PARD3B: variants seen among roughly 807,000 people sequenced by gnomAD.
PARD3B encodes the protein par-3 family cell polarity regulator beta, also known as partitioning defective 3 homolog B.
In PARD3B, 103 loss-of-function variants were observed where a neutral mutation model predicts 130.2. The ratio of observed to expected loss-of-function variants is 0.79; its 90% confidence interval spans 0.67 to 0.93. The LOEUF is 0.93. Ranked by LOEUF, PARD3B falls within the 40% of genes least tolerant of loss-of-function variation. The pLI, the probability that PARD3B is intolerant of heterozygous loss-of-function variation, is 0.00. For synonymous variants in PARD3B, 583 were observed against 553.2 expected (o/e 1.05, Z -0.76); for missense variants, 1,609 against 1,499.2 (o/e 1.07, Z -1.21).
chr2:204,969,873 A>G (rs969305009), intron 3 of PARD3B, among the ~76,000 whole-genome samples: 1 of 152,002 alleles, frequency 6.6e-6, no homozygotes, highest in Non-Finnish European at 1.5e-5. Context: ...AATCCTATAC[A>G]TTTCAGAAAT....
intron 2 of PARD3B, among the ~76,000 whole-genome samples, chr2:204,867,475 G>A (rs2045471540): frequency 6.6e-6 from 1 of 152,126 alleles, no homozygotes. Context: ...TGCAAAACAT[G>A]ACTGCATCAT....
chr2:204,753,219 T>A (rs2040533557), intron 2 of PARD3B, among the ~76,000 whole-genome samples: 1 of 152,192 alleles, frequency 6.6e-6, no homozygotes, highest in South Asian at 2.1e-4. Flanking sequence ...ATGAGAAATT[T>A]CCATTGAAAG....
rs2054183666 is a variant in PARD3B at position 205,586,000 on chromosome 2, C to G, written c.3261-29456C>G. On this transcript the variant is annotated intron_variant, in intron 22 of 22. Transcript: ENST00000406610. The surrounding 1 kb of genome is among the most constrained non-coding windows in gnomAD (Gnocchi z 5.4). ...CAATGTGAGGAAATTCAAAACACAA[C>G]AGCTTGACTTGGTTTTTCCAGGGCA... Among the ~76,000 whole-genome samples the G allele has an allele frequency of 6.6e-6, 1 of 152,196 alleles. No individual in the cohort carries two copies. The highest frequency in any genetic ancestry group is 1.5e-5 in the Non-Finnish European group (1 of 68,040).
chr2:204,655,866 G>A (rs139916891), intron 1 of PARD3B, among the ~76,000 whole-genome samples: 89 of 152,166 alleles, frequency 5.8e-4, no homozygotes, highest in Middle Eastern at 3.4e-3. Context: ...ATTTGTCCAC[G>A]GTTAGCCACA....
At chr2:205,161,263 A>C (rs1054006433) in intron 11 of PARD3B, among the ~76,000 whole-genome samples, 16 of 152,170 alleles carry the variant, frequency 1.1e-4, no homozygotes, top group African/African-American at 3.4e-4. Context: ...AGTTTCTAAC[A>C]GTCCTGTTTC....
chr2:205,557,171 T>C (rs529320799), intron 22 of PARD3B, among the ~76,000 whole-genome samples: 1 of 152,266 alleles, frequency 6.6e-6, no homozygotes, highest in East Asian at 1.9e-4. Flanking sequence ...CCTACATGCG[T>C]GGGCGGCAAA....
chr2:205,255,578 G>A (rs1292238218), intron 16 of PARD3B, among the ~76,000 whole-genome samples: 3 of 152,106 alleles, frequency 2.0e-5, no homozygotes, highest in Non-Finnish European at 2.9e-5. Flanking sequence ...GTTGTGACTT[G>A]GGCCTCTGAC....
At chr2:205,363,759 G>C (rs771926782) in intron 18 of PARD3B, among the ~76,000 whole-genome samples, 2 of 151,574 alleles carry the variant, frequency 1.3e-5, no homozygotes, top group Non-Finnish European at 2.9e-5. Context: ...CCGCCTCCCG[G>C]GTTCAAGCAA....
At chr2:204,668,359 C>T (rs149863672) in intron 1 of PARD3B, among the ~76,000 whole-genome samples, 66 of 152,246 alleles carry the variant, frequency 4.3e-4, no homozygotes, top group African/African-American at 1.4e-3. Context: ...AGTTAGTTTA[C>T]GTTTCATTTC....
intron 3 of PARD3B, among the ~76,000 whole-genome samples, chr2:204,972,952 C>CA (rs1156237522): frequency 2.6e-5 from 4 of 152,160 alleles, no homozygotes; most frequent in Non-Finnish European, 5.9e-5. Context: ...ATATTTTCAG[C>CA]ACTGCTGTCA....
At chr2:205,179,374 T>G (rs1439740885) in intron 13 of PARD3B, among the ~76,000 whole-genome samples, 1 of 115,316 alleles carries the variant, frequency 8.7e-6, no homozygotes, top group Non-Finnish European at 2.1e-5. Flanking sequence ...TACAGTAGTG[T>G]TTTAGGCCTT....
intron 3 of PARD3B, among the ~76,000 whole-genome samples, chr2:204,990,819 C>G (rs2125240209): frequency 6.6e-6 from 1 of 152,240 alleles, no homozygotes; most frequent in South Asian, 2.1e-4. Flanking sequence ...GACTCTTCTA[C>G]TTTATATAAA....
At chr2:205,014,248 A>G (rs2043459) in intron 3 of PARD3B, among the ~76,000 whole-genome samples, 39,684 of 152,092 alleles carry the variant, frequency 0.26, 5,627 homozygotes, top group South Asian at 0.53. Context: ...AAAACCAGAA[A>G]TTTCCTGACA....
intron 21 of PARD3B, among the ~76,000 whole-genome samples, chr2:205,502,133 G>C (rs2050180214): frequency 6.6e-6 from 1 of 152,190 alleles, no homozygotes; most frequent in African/African-American, 2.4e-5. Flanking sequence ...AAAAACACTA[G>C]TGTTTTGTAT....
chr2:204,748,964 C>T (rs2040355005), intron 2 of PARD3B, among the ~76,000 whole-genome samples: 1 of 152,082 alleles, frequency 6.6e-6, no homozygotes, highest in African/African-American at 2.4e-5. Context: ...TGATCATTTA[C>T]ATACTTATAA....
intron 2 of PARD3B, among the ~76,000 whole-genome samples, chr2:204,789,232 T>C (rs938563081): frequency 2.6e-5 from 4 of 152,070 alleles, no homozygotes; most frequent in African/African-American, 7.2e-5. Flanking sequence ...AATTTTTATG[T>C]TTTTAATTTT....
chr2:205,552,588 C>G (rs1482408987), intron 21 of PARD3B, among the ~76,000 whole-genome samples: 1 of 151,934 alleles, frequency 6.6e-6, no homozygotes, highest in East Asian at 1.9e-4. Context: ...TTTGTATCTT[C>G]AGCAGAGATG....
rs1013468377 is a variant in PARD3B, at chr2:205,434,525, T to G, written c.2742-5845T>G. ...GTTTTGTTTTCTACAAAGTGACATATAACAGTTTCATATTAATAGAGAATT... is the reference window on the plus strand; with the variant it reads ...GTTTTGTTTTCTACAAAGTGACATAGAACAGTTTCATATTAATAGAGAATT... On this transcript the variant is annotated intron_variant, in intron 19 of 22. Transcript: ENST00000406610. Among the ~76,000 whole-genome samples the G allele has an allele frequency of 1.2e-4, 19 of 152,284 alleles. No homozygotes were observed. In the East Asian group the frequency reaches 3.7e-3, roughly 29 times the overall value.
At chr2:204,908,235 TTAA>T (rs2125717986) in intron 2 of PARD3B, among the ~76,000 whole-genome samples, 1 of 152,300 alleles carries the variant, frequency 6.6e-6, no homozygotes, top group East Asian at 1.9e-4. Context: ...TGAACACACG[TTAA>T]TAATTCTTAA....
Sources: gnomAD v4.1 joint callset for allele counts (sites outside exome capture counted in the v4.1 genomes callset) on GRCh38, gnomAD v4.1.1 for gene constraint, Gnocchi (gnomAD v3.1) non-coding constraint, MANE v1.5 for transcripts, NCBI Gene and HGNC (gene_info 2026-07-23, HGNC 2026-07-21) for gene names.